Variants in ANKRD11 observed in about 807,000 individuals in gnomAD.
ANKRD11 encodes ankyrin repeat domain 11.
ANKRD11 carries 17 observed loss-of-function variants against 195.7 expected under a neutral mutation model. That is an observed-to-expected ratio of 0.09 (90% CI 0.06 to 0.13). The LOEUF is 0.13. Ranked by LOEUF, ANKRD11 falls within the 10% of genes least tolerant of loss-of-function variation. The pLI, the probability that ANKRD11 is intolerant of heterozygous loss-of-function variation, is 1.00. For missense variants in ANKRD11, 3,735 were observed against 3,566.1 expected (o/e 1.05, Z -1.21); for synonymous variants, 1,953 against 1,528.1 (o/e 1.28, Z -6.49).
chr16:89,430,498 G>A (rs952361036), intron 1 of ANKRD11, among the ~76,000 whole-genome samples: 11 of 151,158 alleles, frequency 7.3e-5, no homozygotes, highest in Non-Finnish European at 1.6e-4. Flanking sequence ...ACGCTCAGTC[G>A]TTCTAGTACA....
chr16:89,416,123 A>G (rs2042302534), intron 2 of ANKRD11, among the ~76,000 whole-genome samples: 1 of 152,208 alleles, frequency 6.6e-6, no homozygotes, highest in South Asian at 2.1e-4. Context: ...TTAGATTATT[A>G]CTGTGGCATG....
At chr16:89,419,920 T>C (rs2042443849) in intron 1 of ANKRD11, among the ~76,000 whole-genome samples, 1 of 152,166 alleles carries the variant, frequency 6.6e-6, no homozygotes, top group Admixed American at 6.5e-5. Flanking sequence ...ACGCCTGTAA[T>C]CCCAGCACTT....
intron 2 of ANKRD11, among the ~76,000 whole-genome samples, chr16:89,335,768 T>A (rs1404127784): frequency 6.6e-6 from 1 of 152,192 alleles, no homozygotes; most frequent in Non-Finnish European, 1.5e-5. Context: ...TGTGTGACAG[T>A]GAGAGGCCCC....
In ANKRD11 at chr16:89,282,573, G is replaced by T; in HGVS notation, c.3969C>A (p.Val1323=). 6.2e-7 allele frequency: 1 copy of T among 1,614,100 alleles called. No individual in the cohort carries two copies. The highest frequency in any genetic ancestry group is 8.5e-7 in the Non-Finnish European group (1 of 1,180,016). The change falls in exon 9 of 13, where the codon GTC becomes GTA. Residue 1323 remains valine, a synonymous_variant. Transcript: ENST00000301030. ...CGTCTCCAGGTGGCTCCGTGAAAGAGACCTCCAGGAAGGCAGTCAGCCCCG... is the reference window on the plus strand; with the variant it reads ...CGTCTCCAGGTGGCTCCGTGAAAGATACCTCCAGGAAGGCAGTCAGCCCCG... The part of the protein sequence containing the change: ...QEPGLTAFLE[V]SFTEPPGDDK...
At chr16:89,379,026 G>A (rs750667562) in intron 2 of ANKRD11, among the ~76,000 whole-genome samples, 94 of 152,322 alleles carry the variant, frequency 6.2e-4, no homozygotes, top group African/African-American at 2.2e-3. Context: ...TAGACAAGCC[G>A]GGCTGAGGCA....
chr16:89,441,493 C>A (rs546195615), intron 1 of ANKRD11, among the ~76,000 whole-genome samples: 46 of 152,010 alleles, frequency 3.0e-4, no homozygotes, highest in Non-Finnish European at 5.7e-4. Flanking sequence ...CCTGGCCGGG[C>A]GCGGTGGCTC....
chr16:89,458,382 G>A (rs991040385), intron 1 of ANKRD11, among the ~76,000 whole-genome samples: 2 of 151,940 alleles, frequency 1.3e-5, no homozygotes, highest in South Asian at 2.1e-4. Context: ...CCGCCACCAC[G>A]CCCGGCTAAT....
intron 2 of ANKRD11, among the ~76,000 whole-genome samples, chr16:89,369,877 CTT>C (rs2040118667): frequency 6.6e-6 from 1 of 152,212 alleles, no homozygotes; most frequent in Non-Finnish European, 1.5e-5. Context: ...GCTCCCTGTT[CTT>C]TCTTACATCT....
chr16:89,351,206 G>C (rs2039202040), intron 2 of ANKRD11, among the ~76,000 whole-genome samples: 1 of 152,240 alleles, frequency 6.6e-6, no homozygotes, highest in East Asian at 1.9e-4. Context: ...GGCGGCAGCT[G>C]GTGGTGGGCA....
chr16:89,407,350 G>C (rs2041946895), intron 2 of ANKRD11, among the ~76,000 whole-genome samples: 1 of 152,072 alleles, frequency 6.6e-6, no homozygotes, highest in South Asian at 2.1e-4. Flanking sequence ...AGATGATATG[G>C]CCAGAGGTTT....
chr16:89,279,734 C>G lies in ANKRD11; in HGVS notation c.6808G>C (p.Ala2270Pro). 1 of 1,536,912 alleles carries G rather than the reference C, an allele frequency of 6.5e-7. No individual in the cohort carries two copies. The part of the protein sequence containing the change: ...AEGPPAASLC[A>P]PDGPAPNTVA... Reference sequence around the variant, plus strand: ...GTGTTCGGGGCGGGGCCGTCAGGGGCACAGAGGGACGCGGCGGGGGGGCCT... The same window carrying G: ...GTGTTCGGGGCGGGGCCGTCAGGGGGACAGAGGGACGCGGCGGGGGGGCCT... The change falls in exon 9 of 13, where the codon GCC (alanine) becomes CCC (proline). Residue 2270 changes from alanine (A) to proline (P), a missense_variant. Transcript: ENST00000301030. The surrounding 1 kb of genome is among the most constrained non-coding windows in gnomAD (Gnocchi z 5.6).
chr16:89,369,083 A>C (rs1257012632), intron 2 of ANKRD11, among the ~76,000 whole-genome samples: 1 of 152,108 alleles, frequency 6.6e-6, no homozygotes, highest in African/African-American at 2.4e-5. Flanking sequence ...GCTGCCCTAC[A>C]ATGATCACAT....
chr16:89,444,110 C>CA (rs1359491117), intron 1 of ANKRD11, among the ~76,000 whole-genome samples: 2 of 151,826 alleles, frequency 1.3e-5, no homozygotes, highest in African/African-American at 4.8e-5. Flanking sequence ...CGGTATTTTA[C>CA]AAAAAAGGTA....
intron 1 of ANKRD11, among the ~76,000 whole-genome samples, chr16:89,475,511 T>G (rs769291018): frequency 6.6e-6 from 1 of 152,202 alleles, no homozygotes. Flanking sequence ...GAAAAGAATT[T>G]TGATAAAGAA....
chr16:89,271,252 TTTAA>T, intron 11 of ANKRD11: 13 of 364,470 alleles, frequency 3.6e-5, no homozygotes, highest in Non-Finnish European at 5.3e-6. Flanking sequence ...TTTTTTTTTT[TTTAA>T]GAGACAGAGT....
At chr16:89,334,878 A>G (rs549508306) in intron 2 of ANKRD11, among the ~76,000 whole-genome samples, 1 of 152,242 alleles carries the variant, frequency 6.6e-6, no homozygotes, top group South Asian at 2.1e-4. Context: ...GAAGAGCCAG[A>G]CACGAGTGTG....
In ANKRD11 at chr16:89,282,012, C is replaced by G; in HGVS notation, c.4530G>C (p.Pro1510=). 6.2e-7 allele frequency: 1 copy of G among 1,613,350 alleles called. No homozygotes were observed. Among genetic ancestry groups the G allele is most frequent in the African/African-American group, 1.3e-5 (1 of 75,044 alleles). The change falls in exon 9 of 13, where the codon CCG becomes CCC. Residue 1510 remains proline, a synonymous_variant. Transcript: ENST00000301030. ...QKPATRDKDS[P]PRVLKDKSRD... ...TGGACTTGTCTTTGAGCACGCGGGG[C>G]GGGCTGTCCTTGTCCCTGGTGGCGG... is the stretch of plus-strand genomic sequence containing the variant.
chr16:89,423,457 G>A (rs1340276289), intron 1 of ANKRD11, among the ~76,000 whole-genome samples: 1 of 152,350 alleles, frequency 6.6e-6, no homozygotes, highest in East Asian at 1.9e-4. Flanking sequence ...AGGAGCATAC[G>A]GATGGGTTTT....
At chr16:89,427,614 T>G (rs1371535132) in intron 1 of ANKRD11, among the ~76,000 whole-genome samples, 1 of 152,068 alleles carries the variant, frequency 6.6e-6, no homozygotes, top group African/African-American at 2.4e-5. Context: ...CTGGCCAACA[T>G]GGCGAAACCC....
Sources: allele counts gnomAD v4.1 joint callset (sites outside exome capture counted in the v4.1 genomes callset), GRCh38; gene constraint gnomAD v4.1.1; non-coding constraint Gnocchi (gnomAD v3.1); transcripts MANE v1.5; gene names NCBI Gene and HGNC (gene_info 2026-07-23, HGNC 2026-07-21).